Variants in ATP6V0A2 observed in about 807,000 individuals in gnomAD.
The protein encoded by ATP6V0A2 is V-type proton ATPase 116 kDa subunit a 2.
A neutral mutation model predicts 104.4 loss-of-function variants in ATP6V0A2; 58 were observed. The ratio of observed to expected loss-of-function variants is 0.56; its 90% CI spans 0.45 to 0.69. The LOEUF is 0.69. Among genes scored for constraint, ATP6V0A2 ranks in the 30% least tolerant of loss-of-function variants. ATP6V0A2 has a pLI of 0.00. For missense variants in ATP6V0A2, 938 were observed against 1,062.9 expected, an observed-to-expected ratio of 0.88 and a Z score of 1.63; for synonymous variants, 376 against 397.9, an observed-to-expected ratio of 0.95 and a Z score of 0.65.
chr12:123,729,877 T>C (rs146223598), intron 6 of ATP6V0A2, among the ~76,000 whole-genome samples: 10 of 148,574 alleles, frequency 6.7e-5, no homozygotes, highest in East Asian at 4.1e-4. Context: ...TGCAGTGGCA[T>C]GATCTCAGCT....
chr12:123,741,677 T>C (rs1475045878), intron 9 of ATP6V0A2, among the ~76,000 whole-genome samples: 1 of 152,146 alleles, frequency 6.6e-6, no homozygotes, highest in Admixed American at 6.5e-5. Context: ...AGACGGTGTC[T>C]GGTCTTGAAC....
intron 9 of ATP6V0A2, among the ~76,000 whole-genome samples, chr12:123,741,382 C>T (rs185068257): frequency 2.6e-5 from 4 of 151,800 alleles, no homozygotes; most frequent in East Asian, 1.9e-4. Context: ...ACCCCAGAGG[C>T]GGAGGTTTAA....
chr12:123,753,303 C>T (rs1422067800), intron 17 of ATP6V0A2, among the ~76,000 whole-genome samples: 1 of 152,234 alleles, frequency 6.6e-6, no homozygotes, highest in East Asian at 1.9e-4. Flanking sequence ...TCCCCTGGAC[C>T]AGTGACTGCT....
At chr12:123,743,747 G>A (rs1956631593) in intron 9 of ATP6V0A2, 38 bp from the exon 10 acceptor site, 2 of 1,610,834 alleles carry the variant, frequency 1.2e-6, no homozygotes, top group East Asian at 2.2e-5. Context: ...TTTTCTTCTT[G>A]GATAGTAATT....
At chr12:123,750,695 C>T in intron 15 of ATP6V0A2, 1 of 210,794 alleles carries the variant, frequency 4.7e-6, no homozygotes, top group South Asian at 7.5e-5. Flanking sequence ...GAGGTAAATC[C>T]ACTTGCTGAT....
rs375969280 is a variant in ATP6V0A2 at position 123,752,552 on chromosome 12, C to T, written c.2175+150C>T. The T allele has an allele frequency of 3.1e-5, 29 of 945,924 alleles. No homozygotes were observed. The South Asian group carries it at 4.6e-4, about 15-fold the overall frequency. The allele number at this position is 945,924 out of a possible 1,614,324, so 58.6% of individuals were successfully genotyped here. A position where few individuals can be genotyped will look rare whatever the true frequency, so the allele number is the denominator to read the frequency against. On this transcript the variant is annotated intron_variant, in intron 17 of 19. Transcript: ENST00000330342. ...ACAACTATGAGAAACCAGCGCTTTC[C>T]AAATGCTGTTTGATGATAGAGTTGG...
chr12:123,756,993 T>G lies in ATP6V0A2; in HGVS notation c.2465+7T>G, dbSNP rs551475717. The G allele has an allele frequency of 6.2e-7, 1 of 1,614,186 alleles. No individual in the cohort carries two copies. Among genetic ancestry groups the G allele is most frequent in the African/African-American group, 1.3e-5 (1 of 75,046 alleles). On this transcript the variant is annotated splice_region_variant and intron_variant, in intron 19 of 19. Transcript: ENST00000330342. Reference sequence around the variant, plus strand: ...ACGCCATACGCCTCCACTGGTGAGTTTGAAACCTAGCCTTGGAGCTGTTAT... The same window carrying G: ...ACGCCATACGCCTCCACTGGTGAGTGTGAAACCTAGCCTTGGAGCTGTTAT...
At chr12:123,734,706 C>CA (rs751922762) in intron 7 of ATP6V0A2, among the ~76,000 whole-genome samples, 8 of 152,204 alleles carry the variant, frequency 5.3e-5, no homozygotes, top group Non-Finnish European at 1.0e-4. Context: ...TTCTTCCCCC[C>CA]ATGGACAACT....
In ATP6V0A2 at chr12:123,727,770, T is replaced by C. The variant is rs1430619010; in HGVS notation, c.522-13T>C. ...CTTTCAGTTGACTACAGGTTGACTT[T>C]ACTGTCTCACAGATTTGTGTCTGGC... On this transcript the variant is annotated splice_polypyrimidine_tract_variant and intron_variant, in intron 5 of 19. Coordinates refer to ENST00000330342, the MANE Select transcript of ATP6V0A2 (RefSeq NM_012463.4). 1 of 1,613,968 alleles carries C rather than the reference T, an allele frequency of 6.2e-7. No individual in the cohort carries two copies. The highest frequency in any genetic ancestry group is 1.3e-5 in the African/African-American group (1 of 74,934).
intron 9 of ATP6V0A2, among the ~76,000 whole-genome samples, chr12:123,740,840 TCTTA>T (rs1460523213): frequency 6.6e-6 from 1 of 152,170 alleles, no homozygotes; most frequent in Admixed American, 6.5e-5. Context: ...TCTAGTTTTG[TCTTA>T]CTTCTGAAAT....
At chr12:123,735,438 C>A in intron 7 of ATP6V0A2, 93 bp from the exon 8 acceptor site, 1 of 1,221,386 alleles carries the variant, frequency 8.2e-7, no homozygotes, top group Non-Finnish European at 1.2e-6. Context: ...CGGCTGCTTT[C>A]ATTCCGTTTT....
chr12:123,713,180 G>A (rs1285210206), intron 1 of ATP6V0A2, among the ~76,000 whole-genome samples: 1 of 152,074 alleles, frequency 6.6e-6, no homozygotes, highest in African/African-American at 2.4e-5. Flanking sequence ...ATAGAAAGGA[G>A]CCAGCCGTGG....
rs1956642848 is a variant in ATP6V0A2 at position 123,744,681 on chromosome 12, T to A, written c.1411T>A (p.Cys471Ser). 1 of 1,613,984 alleles carries A rather than the reference T, an allele frequency of 6.2e-7. No individual in the cohort carries two copies. Among genetic ancestry groups the A allele is most frequent in the South Asian group, 1.1e-5 (1 of 91,080 alleles). ...GTACACTGGCCTCATCTACAACGAC[T>A]GCTTTTCAAAGTCAGTCAACCTGTT... ...SVYTGLIYND[C>S]FSKSVNLFGS... The change falls in exon 12 of 20, where the codon TGC becomes AGC. Residue 471 changes from cysteine to serine, a missense_variant. By Grantham distance (112) the Cys-to-Ser change is moderately radical (BLOSUM62 -1). Coordinates refer to ENST00000330342, the MANE Select transcript of ATP6V0A2 (RefSeq NM_012463.4). This position sits in a 1 kb window ranked among gnomAD's most constrained non-coding sequence, Gnocchi z 5.4.
chr12:123,742,087 C>G (rs1956615105), intron 9 of ATP6V0A2, among the ~76,000 whole-genome samples: 1 of 152,236 alleles, frequency 6.6e-6, no homozygotes, highest in South Asian at 2.1e-4. Context: ...AGGGGAGGAC[C>G]TGGCAGGTCA....
intron 8 of ATP6V0A2, among the ~76,000 whole-genome samples, chr12:123,736,030 GC>G (rs1402115987): frequency 6.6e-6 from 1 of 150,896 alleles, no homozygotes; most frequent in East Asian, 2.0e-4. Context: ...GCACCACCAT[GC>G]CCGGCCAATT....
chr12:123,733,831 GTGAA>G (rs1247491258), intron 6 of ATP6V0A2, 91 bp from the exon 7 acceptor site: 2 of 868,674 alleles, frequency 2.3e-6, no homozygotes, highest in Non-Finnish European at 4.0e-6. Flanking sequence ...TATTGAATGA[GTGAA>G]TGAATGAACG....
intron 6 of ATP6V0A2, among the ~76,000 whole-genome samples, chr12:123,728,638 G>A (rs182978432): frequency 6.6e-5 from 10 of 152,234 alleles, no homozygotes; most frequent in Admixed American, 3.3e-4. Context: ...TTTTGGTAGC[G>A]TGTCTCTGGG....
At position 123,744,657 on chromosome 12, in the gene ATP6V0A2, T is replaced by C; in HGVS notation, c.1387T>C (p.Tyr463His). The change falls in exon 12 of 20, where the codon TAC (tyrosine) becomes CAC (histidine). Residue 463 changes from tyrosine to histidine, a missense_variant. Tyr to His is a moderately conservative substitution (Grantham distance 83, BLOSUM62 2). Coordinates refer to ENST00000330342, the MANE Select transcript of ATP6V0A2 (RefSeq NM_012463.4). The surrounding 1 kb of genome is among the most constrained non-coding windows in gnomAD (Gnocchi z 5.4). ...CCTGCTGATGGGGCTGTTCTCAGTG[T>C]ACACTGGCCTCATCTACAACGACTG... ...ILLLMGLFSV[Y>H]TGLIYNDCFS... 2 of 1,613,980 alleles carry C rather than the reference T, an allele frequency of 1.2e-6. No homozygotes were observed.
At chr12:123,724,621 C>T (rs764607593) in intron 3 of ATP6V0A2, 33 bp from the exon 4 acceptor site, 6 of 1,606,976 alleles carry the variant, frequency 3.7e-6, no homozygotes, top group Middle Eastern at 1.7e-4. Context: ...GAACTAATTA[C>T]TACCCTCTTA....
Sources: gnomAD v4.1 joint callset for allele counts (sites outside exome capture counted in the v4.1 genomes callset) on GRCh38, gnomAD v4.1.1 for gene constraint, Gnocchi (gnomAD v3.1) non-coding constraint, MANE v1.5 for transcripts, NCBI Gene and HGNC (gene_info 2026-07-23, HGNC 2026-07-21) for gene names.